The following ATAD2 variants were observed in gnomAD, a reference collection of about 807,000 sequenced individuals.
ATAD2 encodes ATPase family AAA domain-containing protein 2.
ATAD2 carries 62 observed loss-of-function variants against 168.9 expected under a neutral mutation model. That is an observed-to-expected ratio of 0.37 (90% CI 0.30 to 0.45). The LOEUF (loss-of-function observed/expected upper bound fraction) is 0.45, where lower values mean the gene tolerates loss of function less well. ATAD2 is among the 20% of genes least tolerant of loss of function. The pLI, the probability that ATAD2 is intolerant of heterozygous loss-of-function variation, is 1.00. For missense variants in ATAD2, 1,419 were observed against 1,667.8 expected (o/e 0.85, Z 2.60); for synonymous variants, 613 against 571.6 (o/e 1.07, Z -1.03).
chr8:123,321,389 G>C (rs1284642276), intron 27 of ATAD2, among the ~76,000 whole-genome samples: 1 of 151,348 alleles, frequency 6.6e-6, no homozygotes. Flanking sequence ...TGAGTCTGGG[G>C]TGCATTCATC....
intron 2 of ATAD2, among the ~76,000 whole-genome samples, chr8:123,377,105 A>AAAAAAAAAAAAAAAG (rs1405598909): frequency 7.0e-6 from 1 of 142,674 alleles, no homozygotes. Context: ...AAAAAAAAAA[A>AAAAAAAAAAAAAAAG]AAAAAAAGAG....
At chr8:123,334,766 T>C (rs1243262317) in intron 22 of ATAD2, among the ~76,000 whole-genome samples, 1 of 152,124 alleles carries the variant, frequency 6.6e-6, no homozygotes, top group Non-Finnish European at 1.5e-5. Flanking sequence ...CAGGAAACAC[T>C]GGGAAAATCC....
At chr8:123,367,672 C>T (rs936338070) in intron 8 of ATAD2, among the ~76,000 whole-genome samples, 12 of 152,150 alleles carry the variant, frequency 7.9e-5, no homozygotes, top group East Asian at 3.8e-4. Flanking sequence ...AGCCTCCTTT[C>T]AAGTGCAATT....
At chr8:123,334,458 G>T in intron 22 of ATAD2, 136 bp from the exon 23 acceptor site, 1 of 861,448 alleles carries the variant, frequency 1.2e-6, no homozygotes, top group Non-Finnish European at 1.6e-6. Flanking sequence ...CAAAGTTACT[G>T]GAATTGTCCT....
chr8:123,409,063 T>A (rs1223254153), intron 1 of ATAD2, among the ~76,000 whole-genome samples: 1 of 152,186 alleles, frequency 6.6e-6, no homozygotes, highest in Non-Finnish European at 1.5e-5. Flanking sequence ...TGACCTCAGG[T>A]GATCCACTCG....
chr8:123,361,819 CTT>C (rs943347605), intron 8 of ATAD2, among the ~76,000 whole-genome samples, 173 bp from the exon 9 acceptor site: 3 of 152,112 alleles, frequency 2.0e-5, no homozygotes, highest in African/African-American at 7.2e-5. Context: ...GAATAAAAGA[CTT>C]AAACAACTGA....
chr8:123,331,781 A>G (rs969376915), intron 24 of ATAD2, among the ~76,000 whole-genome samples: 82 of 152,350 alleles, frequency 5.4e-4, no homozygotes, highest in African/African-American at 1.9e-3. Context: ...AAAATACTTG[A>G]GAACCGCAAA....
chr8:123,348,944 A>G (rs1382066561), intron 14 of ATAD2, among the ~76,000 whole-genome samples: 1 of 152,130 alleles, frequency 6.6e-6, no homozygotes, highest in Non-Finnish European at 1.5e-5. Context: ...GATTAAGTAG[A>G]CTTAAAAAAA....
Position 123,328,475 on chromosome 8 carries a change from C to G in ATAD2, c.3583G>C (p.Asp1195His), listed in dbSNP as rs1263615229. The G allele has an allele frequency of 1.2e-6, 2 of 1,608,304 alleles. No homozygotes were observed. The highest frequency in any genetic ancestry group is 1.7e-6 in the Non-Finnish European group (2 of 1,177,708). The stretch of plus-strand genomic sequence containing the variant: ...TCTGTATCACTCTCAATTTTGTGAT[C>G]TATGGCATTCTGGCTATCATCCTTT... ...QAKDDSQNAI[D>H]HKIESDTEET... The change falls in exon 25 of 28, where the codon GAT becomes CAT. Residue 1195 changes from aspartate (D) to histidine (H), a missense_variant. Asp to His is a moderately conservative substitution (Grantham distance 81). This residue lies in a region of ATAD2 where 303 missense variants were observed against 304.3 expected (regional missense o/e 1.00). Coordinates refer to ENST00000287394, the MANE Select transcript of ATAD2 (RefSeq NM_014109.4).
chr8:123,400,616 C>T, upstream of ATAD2: 1 of 618,596 alleles, frequency 1.6e-6, no homozygotes, highest in Non-Finnish European at 3.0e-6. This position sits in a 1 kb window ranked among gnomAD's most constrained non-coding sequence, Gnocchi z 4.5. Flanking sequence ...GGCTGCGTGC[C>T]CGAGGACGGG....
intron 1 of ATAD2, among the ~76,000 whole-genome samples, chr8:123,390,773 C>G (rs1229416040): frequency 1.3e-5 from 2 of 152,188 alleles, no homozygotes; most frequent in African/African-American, 4.8e-5. Flanking sequence ...TGGCTCACGC[C>G]TGTAATCCCA....
chr8:123,331,271 A>T (rs1827768494), intron 24 of ATAD2, among the ~76,000 whole-genome samples: 1 of 150,122 alleles, frequency 6.7e-6, no homozygotes, highest in Admixed American at 6.7e-5. Flanking sequence ...CAAGGGTCTC[A>T]CTTTGTTGGC....
upstream of ATAD2, chr8:123,401,082 G>A (rs1812989763): frequency 1.3e-6 from 2 of 1,564,250 alleles, no homozygotes; most frequent in African/African-American, 1.3e-5. Flanking sequence ...TTGCTGAGAA[G>A]GACCACACCA....
At chr8:123,332,754 T>C (rs187020338) in intron 24 of ATAD2, among the ~76,000 whole-genome samples, 3 of 152,318 alleles carry the variant, frequency 2.0e-5, no homozygotes, top group African/African-American at 7.2e-5. Flanking sequence ...TATTGCTTCT[T>C]TGAATATTCT....
chr8:123,383,090 C>A (rs952483818), intron 1 of ATAD2, among the ~76,000 whole-genome samples: 7 of 152,124 alleles, frequency 4.6e-5, no homozygotes, highest in Admixed American at 4.6e-4. Flanking sequence ...CAAACTAACA[C>A]AGGAACAGAA....
rs1263615229 is a variant in ATAD2 at position 123,328,475 on chromosome 8, C to T, written c.3583G>A (p.Asp1195Asn). The part of the protein sequence containing the change: ...QAKDDSQNAI[D>N]HKIESDTEET... The stretch of plus-strand genomic sequence containing the variant: ...TCTGTATCACTCTCAATTTTGTGAT[C>T]TATGGCATTCTGGCTATCATCCTTT... The change falls in exon 25 of 28, where the codon GAT becomes AAT. Residue 1195 changes from aspartate to asparagine, a missense_variant. Physicochemically the swap from Asp to Asn is conservative, Grantham distance 23 (BLOSUM62 1). Coordinates refer to ENST00000287394, the MANE Select transcript of ATAD2 (RefSeq NM_014109.4). 1.5e-5 allele frequency: 24 copies of T among 1,608,186 alleles called. No homozygotes were observed. The highest frequency in any genetic ancestry group is 1.9e-5 in the Non-Finnish European group (22 of 1,177,716).
intron 1 of ATAD2, among the ~76,000 whole-genome samples, chr8:123,409,368 G>A (rs2130044576): frequency 6.6e-6 from 1 of 152,234 alleles, no homozygotes; most frequent in Non-Finnish European, 1.5e-5. Flanking sequence ...ATAGTACATT[G>A]CTGCCATAGC....
At chr8:123,391,083 T>C (rs1829814217) in intron 1 of ATAD2, among the ~76,000 whole-genome samples, 1 of 150,222 alleles carries the variant, frequency 6.7e-6, no homozygotes, top group Non-Finnish European at 1.5e-5. Flanking sequence ...AACACCCTAC[T>C]ATCCATCCTT....
At chr8:123,401,024 T>C (rs1021165552), upstream of ATAD2, 13 of 1,556,210 alleles carry the variant, frequency 8.4e-6, no homozygotes, top group African/African-American at 6.8e-5. Context: ...ACAGGCACCA[T>C]GGGCAGCAAG....
Sources: gnomAD v4.1 joint callset for allele counts (sites outside exome capture counted in the v4.1 genomes callset) on GRCh38, gnomAD v4.1.1 for gene constraint, gnomAD v4.1.1 regional missense constraint, Gnocchi (gnomAD v3.1) non-coding constraint, MANE v1.5 for transcripts, NCBI Gene and HGNC (gene_info 2026-07-23, HGNC 2026-07-21) for gene names.